The following PPFIBP2 variants were observed in gnomAD, a reference collection of about 807,000 sequenced individuals.
PPFIBP2 encodes liprin-beta-2.
PPFIBP2 carries 118 observed loss-of-function variants against 118.3 expected under a neutral mutation model. The ratio of observed to expected loss-of-function variants is 1.00; its 90% CI spans 0.86 to 1.16. The LOEUF is 1.16. Among genes scored for constraint, PPFIBP2 ranks in the 50% most tolerant of loss-of-function variants. The pLI is 0.00. For synonymous variants in PPFIBP2, 414 were observed against 397.4 expected (o/e 1.04, Z -0.50); for missense variants, 1,195 against 1,073.1 (o/e 1.11, Z -1.59).
intron 3 of PPFIBP2, among the ~76,000 whole-genome samples, chr11:7,592,240 C>T (rs1859458221): frequency 6.6e-6 from 1 of 152,148 alleles, no homozygotes; most frequent in Admixed American, 6.5e-5. Context: ...GGTGTTGGGG[C>T]CAGCTTGGTG....
intron 3 of PPFIBP2, among the ~76,000 whole-genome samples, chr11:7,579,938 T>C (rs1453035595): frequency 6.6e-6 from 1 of 152,012 alleles, no homozygotes; most frequent in Non-Finnish European, 1.5e-5. Flanking sequence ...TGCCAGATTT[T>C]TAAAATCTTC....
At chr11:7,543,915 G>C (rs536142467) in intron 1 of PPFIBP2, among the ~76,000 whole-genome samples, 4 of 152,182 alleles carry the variant, frequency 2.6e-5, no homozygotes, top group Non-Finnish European at 5.9e-5. Flanking sequence ...CCTTTGTGTG[G>C]TGCAGTTCAT....
At chr11:7,662,545 G>T in the PPFIBP2 span, among the ~76,000 whole-genome samples, 4 of 151,072 alleles carry the variant, frequency 2.6e-5, no homozygotes, top group African/African-American at 9.7e-5. Context: ...TTCCCTTTGA[G>T]GGTAACCCGA....
intron 5 of PPFIBP2, among the ~76,000 whole-genome samples, chr11:7,608,622 AAG>A (rs1847690604): frequency 6.6e-6 from 1 of 152,184 alleles, no homozygotes; most frequent in Admixed American, 6.5e-5. Context: ...CCTGGGCAAA[AAG>A]AGCGAAACGC....
intron 23 of PPFIBP2, among the ~76,000 whole-genome samples, chr11:7,652,105 G>A (rs370317101): frequency 6.6e-6 from 1 of 152,386 alleles, no homozygotes. Flanking sequence ...AGGTGGCTTA[G>A]AGCTCGTCCT....
At chr11:7,664,539 T>C in the PPFIBP2 span, among the ~76,000 whole-genome samples, 1 of 152,206 alleles carries the variant, frequency 6.6e-6, no homozygotes, top group African/African-American at 2.4e-5. Context: ...ACAACCAACA[T>C]GTCTTTGGAC....
chr11:7,625,234 T>C (rs1389164249), intron 7 of PPFIBP2, among the ~76,000 whole-genome samples: 1 of 152,196 alleles, frequency 6.6e-6, no homozygotes, highest in Non-Finnish European at 1.5e-5. Context: ...AGGCAGTGAC[T>C]GTACCCAAAG....
chr11:7,590,539 A>G (rs1164574302), intron 3 of PPFIBP2, among the ~76,000 whole-genome samples: 4 of 152,202 alleles, frequency 2.6e-5, no homozygotes, highest in East Asian at 3.8e-4. Flanking sequence ...AGGAGGGGCA[A>G]ATATGAGGAA....
intron 1 of PPFIBP2, among the ~76,000 whole-genome samples, chr11:7,515,868 G>A (rs1849184866): frequency 6.6e-6 from 1 of 152,180 alleles, no homozygotes; most frequent in African/African-American, 2.4e-5. Flanking sequence ...GGAGTGCATG[G>A]TCTGACAACA....
chr11:7,545,472 A>G (rs1852229099), intron 1 of PPFIBP2, among the ~76,000 whole-genome samples: 1 of 152,158 alleles, frequency 6.6e-6, no homozygotes, highest in Non-Finnish European at 1.5e-5. Flanking sequence ...TCACATTCAC[A>G]TAATGTTTTT....
chr11:7,607,188 GCGTGAGCCA>G (rs1378998949), intron 5 of PPFIBP2, among the ~76,000 whole-genome samples: 2 of 148,866 alleles, frequency 1.3e-5, no homozygotes, highest in Non-Finnish European at 3.0e-5. Flanking sequence ...GGGATTACAG[GCGTGAGCCA>G]CCGCGCCCGG....
chr11:7,541,653 A>T (rs1301692406), intron 1 of PPFIBP2, among the ~76,000 whole-genome samples: 1 of 152,156 alleles, frequency 6.6e-6, no homozygotes, highest in Non-Finnish European at 1.5e-5. Context: ...TTGCTTAAAT[A>T]CATCTTTATG....
the PPFIBP2 span, among the ~76,000 whole-genome samples, chr11:7,662,523 A>AC: frequency 6.6e-6 from 1 of 151,494 alleles, no homozygotes; most frequent in African/African-American, 2.4e-5. Context: ...ATCCGCTGTT[A>AC]GTCTGATGGG....
intron 3 of PPFIBP2, among the ~76,000 whole-genome samples, chr11:7,586,895 G>A (rs958297636): frequency 1.3e-5 from 2 of 152,170 alleles, no homozygotes; most frequent in South Asian, 2.1e-4. Context: ...TAATTCTTTC[G>A]ACATAACTTC....
At chr11:7,583,395 C>T (rs1234822331) in intron 3 of PPFIBP2, among the ~76,000 whole-genome samples, 1 of 152,198 alleles carries the variant, frequency 6.6e-6, no homozygotes, top group African/African-American at 2.4e-5. Context: ...ACAGCGCCCA[C>T]TCCACCCTAA....
At chr11:7,638,009 T>G (rs1027058364) in intron 14 of PPFIBP2, among the ~76,000 whole-genome samples, 2 of 152,174 alleles carry the variant, frequency 1.3e-5, no homozygotes, top group African/African-American at 4.8e-5. Flanking sequence ...TCTTCCCCCC[T>G]CCATATGTCG....
intron 11 of PPFIBP2, chr11:7,631,305 T>C (rs1278291417): frequency 5.9e-6 from 2 of 336,220 alleles, no homozygotes; most frequent in African/African-American, 4.2e-5. Flanking sequence ...TATCTTTTTT[T>C]TCTCTGGAAT....
At chr11:7,645,830 G>A (rs891827432) in intron 17 of PPFIBP2, among the ~76,000 whole-genome samples, 4 of 151,956 alleles carry the variant, frequency 2.6e-5, no homozygotes, top group Non-Finnish European at 5.9e-5. Context: ...CAAAGACTAG[G>A]CAAAAAATAA....
At chr11:7,660,998 C>T (rs1806085537), downstream of PPFIBP2, among the ~76,000 whole-genome samples, 1 of 151,808 alleles carries the variant, frequency 6.6e-6, no homozygotes, top group African/African-American at 2.4e-5. Context: ...GTGATATCCC[C>T]TGTATCATTT....
Sources: allele counts gnomAD v4.1 joint callset (sites outside exome capture counted in the v4.1 genomes callset), GRCh38; gene constraint gnomAD v4.1.1; transcripts MANE v1.5; gene names NCBI Gene and HGNC (gene_info 2026-07-23, HGNC 2026-07-21).